The following CEP85L variants were observed in gnomAD, a reference collection of about 807,000 sequenced individuals.
CEP85L encodes centrosomal protein 85L, also known as centrosomal protein of 85 kDa-like.
CEP85L carries 60 observed loss-of-function variants against 100.3 expected under a neutral mutation model. That is an observed-to-expected ratio of 0.60 (90% CI 0.49 to 0.74). The LOEUF (loss-of-function observed/expected upper bound fraction) is 0.74. CEP85L is among the 30% of genes least tolerant of loss of function. The probability of loss-of-function intolerance (pLI) is 0.00; values close to 1 mark genes in which losing one functional copy is unlikely to be tolerated. For missense variants in CEP85L, 973 were observed against 936.2 expected (o/e 1.04, Z -0.51); for synonymous variants, 319 against 322.7 (o/e 0.99, Z 0.12).
At chr6:118,543,610 C>T (rs1778032758) in intron 3 of CEP85L, among the ~76,000 whole-genome samples, 1 of 152,170 alleles carries the variant, frequency 6.6e-6, no homozygotes, top group Non-Finnish European at 1.5e-5. Context: ...AACAGGGCTT[C>T]TCCCCACCTA....
intron 5 of CEP85L, among the ~76,000 whole-genome samples, chr6:118,505,408 TCAAAAAAAAA>T (rs1562208395): frequency 5.4e-5 from 1 of 18,382 alleles, no homozygotes. Flanking sequence ...GTCACTGTAC[TCAAAAAAAAA>T]AAAAAAAAAA....
chr6:118,597,194 C>T (rs941626718), intron 2 of CEP85L, among the ~76,000 whole-genome samples: 2 of 152,196 alleles, frequency 1.3e-5, no homozygotes, highest in African/African-American at 2.4e-5. Flanking sequence ...ATAAATTACC[C>T]AGTCCCAGGC....
intron 5 of CEP85L, 124 bp downstream of exon 5, chr6:118,511,170 TATAA>T (rs1159948553): frequency 9.1e-6 from 6 of 658,894 alleles, no homozygotes; most frequent in Non-Finnish European, 1.6e-5. Context: ...TTGCCACACA[TATAA>T]ATAAATATAA....
chr6:118,633,132 A>T (rs1774274453), intron 1 of CEP85L, among the ~76,000 whole-genome samples: 1 of 151,692 alleles, frequency 6.6e-6, no homozygotes, highest in African/African-American at 2.4e-5. Flanking sequence ...ACATTATTTT[A>T]TTTGAATTAT....
At chr6:118,695,148 C>G (rs1388296384) in intron 1 of CEP85L, among the ~76,000 whole-genome samples, 1 of 152,188 alleles carries the variant, frequency 6.6e-6, no homozygotes, top group Non-Finnish European at 1.5e-5. Flanking sequence ...ATCCTGCTTA[C>G]CAAGTTATTA....
At chr6:118,652,691 A>C (rs971165294), upstream of CEP85L, 6 of 1,536,902 alleles carry the variant, frequency 3.9e-6, no homozygotes, top group African/African-American at 5.5e-5. Flanking sequence ...TGTGTGTTCT[A>C]TCACTTACCA....
chr6:118,558,002 T>C (rs763713509), intron 3 of CEP85L, among the ~76,000 whole-genome samples: 1 of 151,846 alleles, frequency 6.6e-6, no homozygotes, highest in Non-Finnish European at 1.5e-5. Context: ...TTTTGCTCTG[T>C]CACCCAGGCT....
rs1032556928 is a variant in CEP85L, at chr6:118,462,658, C to A, written c.*2747G>T. On this transcript the variant is annotated 3_prime_UTR_variant, in exon 13 of 13. Transcript: ENST00000368491. ...TTAAAATTTAGGTTAATTTTCATTT[C>A]AGGAATATATTGGTGTCATAACTTC... 9.9e-5 allele frequency: 15 copies of A among 151,904 alleles called. 1 individual carries two copies. The highest frequency in any genetic ancestry group is 3.6e-4 in the African/African-American group (15 of 41,414). 9.4% of individuals were successfully genotyped at this position (151,904 alleles called of 1,614,324 possible). A position where few individuals can be genotyped will look rare whatever the true frequency, so the allele number is the denominator to read the frequency against.
intron 3 of CEP85L, among the ~76,000 whole-genome samples, chr6:118,554,592 T>C (rs1778742802): frequency 6.6e-6 from 1 of 152,238 alleles, no homozygotes; most frequent in African/African-American, 2.4e-5. Flanking sequence ...CTTCAGAAAC[T>C]ATCAGTCTAG....
intron 1 of CEP85L, among the ~76,000 whole-genome samples, chr6:118,649,017 T>A (rs1775379942): frequency 6.6e-6 from 1 of 152,064 alleles, no homozygotes; most frequent in African/African-American, 2.4e-5. Flanking sequence ...CTTCCAATTA[T>A]CAGGAAAAAA....
At chr6:118,487,737 T>A (rs970077292) in intron 6 of CEP85L, among the ~76,000 whole-genome samples, 1 of 152,200 alleles carries the variant, frequency 6.6e-6, no homozygotes, top group Non-Finnish European at 1.5e-5. Flanking sequence ...ATGACACTCT[T>A]GCTGCCTGGG....
Position 118,571,852 on chromosome 6 carries a change from A to ATTTTG in CEP85L, c.233-5541_233-5537dup, listed in dbSNP as rs553220350. Among the ~76,000 whole-genome samples the ATTTTG allele has an allele frequency of 4.1e-4, 63 of 152,156 alleles. No homozygotes were observed. In the East Asian group the frequency reaches 0.01, roughly 25 times the overall value. ...GTTAACCCTAACCACAAAGGCAATA[A>ATTTTG]TTTTGTTTTGTTTTGTTTTCTTGGA... On this transcript the variant is annotated intron_variant, in intron 2 of 12. Coordinates refer to ENST00000368491, the MANE Select transcript of CEP85L (RefSeq NM_001042475.3).
At chr6:118,642,329 C>A (rs931866430) in intron 1 of CEP85L, among the ~76,000 whole-genome samples, 8 of 152,058 alleles carry the variant, frequency 5.3e-5, no homozygotes, top group African/African-American at 1.9e-4. Context: ...GGTAGCAAAA[C>A]GGGGAGGTGA....
intron 1 of CEP85L, among the ~76,000 whole-genome samples, chr6:118,689,026 G>A (rs1034462791): frequency 2.6e-5 from 4 of 152,138 alleles, no homozygotes; most frequent in Non-Finnish European, 4.4e-5. Flanking sequence ...AGTCCCAGCA[G>A]AACTGATGCG....
intron 1 of CEP85L, among the ~76,000 whole-genome samples, chr6:118,674,125 C>A (rs528158480): frequency 1.3e-5 from 2 of 152,228 alleles, no homozygotes; most frequent in South Asian, 4.1e-4. Context: ...AGATATGACA[C>A]CAAAAACACG....
chr6:118,576,832 C>T (rs931714429), intron 2 of CEP85L, among the ~76,000 whole-genome samples: 3 of 152,176 alleles, frequency 2.0e-5, no homozygotes, highest in Non-Finnish European at 4.4e-5. Flanking sequence ...CAAACCATAG[C>T]CATTGAAACA....
chr6:118,560,114 T>C (rs1034772592), intron 3 of CEP85L: 2 of 167,040 alleles, frequency 1.2e-5, no homozygotes, highest in African/African-American at 4.8e-5. Context: ...TCTCTCCAAA[T>C]ATTAACTAAT....
intron 4 of CEP85L, among the ~76,000 whole-genome samples, chr6:118,518,842 T>C (rs1012494580): frequency 1.3e-5 from 2 of 152,252 alleles, no homozygotes; most frequent in Non-Finnish European, 1.5e-5. Context: ...ATTTTAGATC[T>C]TTCCTGCTTT....
At chr6:118,652,555 C>T (rs1013176547), upstream of CEP85L, 1 of 1,429,758 alleles carries the variant, frequency 7.0e-7, no homozygotes, top group Non-Finnish European at 9.2e-7. Flanking sequence ...ACTAGAGAGG[C>T]TTTGAGTTCC....
Sources: allele counts gnomAD v4.1 joint callset (sites outside exome capture counted in the v4.1 genomes callset), GRCh38; gene constraint gnomAD v4.1.1; transcripts MANE v1.5; gene names NCBI Gene and HGNC (gene_info 2026-07-23, HGNC 2026-07-21).